Variants in TMEM117 observed in about 807,000 individuals in gnomAD.
The protein encoded by TMEM117 is transmembrane protein 117.
TMEM117 carries 27 observed loss-of-function variants against 52.4 expected under a neutral mutation model. That is an observed-to-expected ratio of 0.51 (90% CI 0.38 to 0.71). The LOEUF (loss-of-function observed/expected upper bound fraction) is 0.71. Ranked by LOEUF, TMEM117 falls within the 30% of genes least tolerant of loss-of-function variation. The pLI is 0.00. For synonymous variants in TMEM117, 215 were observed against 206.3 expected (o/e 1.04, Z -0.36); for missense variants, 556 against 630.5 (o/e 0.88, Z 1.26).
At position 44,149,266 on chromosome 12, in the gene TMEM117, T is replaced by C. The variant is rs183581980; in HGVS notation, c.510+5642T>C. Reference sequence around the variant, plus strand: ...GGGTTGAGATATGTCCCTTGAGTCATGTGAGCAAGAAGAGATTACTACGTA... The same window carrying C: ...GGGTTGAGATATGTCCCTTGAGTCACGTGAGCAAGAAGAGATTACTACGTA... On this transcript the variant is annotated intron_variant, in intron 4 of 7. Transcript: ENST00000266534. Among the ~76,000 whole-genome samples, 31 of 152,316 alleles carry C rather than the reference T, an allele frequency of 2.0e-4. No homozygotes were observed. In the East Asian group the frequency reaches 6.0e-3, roughly 29 times the overall value.
chr12:44,222,948 G>GT (rs1455759395), intron 5 of TMEM117, among the ~76,000 whole-genome samples: 1 of 151,400 alleles, frequency 6.6e-6, no homozygotes, highest in African/African-American at 2.4e-5. Context: ...CCAGGAAGGT[G>GT]TTGAAACTAT....
intron 3 of TMEM117, among the ~76,000 whole-genome samples, chr12:44,072,509 C>T (rs900764602): frequency 6.6e-6 from 1 of 152,152 alleles, no homozygotes. Flanking sequence ...GCCAGACACA[C>T]TAAGTCCACA....
intron 3 of TMEM117, among the ~76,000 whole-genome samples, chr12:43,987,858 C>A (rs1945873888): frequency 6.6e-6 from 1 of 151,954 alleles, no homozygotes; most frequent in Non-Finnish European, 1.5e-5. Flanking sequence ...TTGGCTTCCT[C>A]CAGGAAGTTG....
intron 3 of TMEM117, among the ~76,000 whole-genome samples, chr12:44,069,721 T>C (rs1282476716): frequency 6.6e-6 from 1 of 152,266 alleles, no homozygotes; most frequent in Non-Finnish European, 1.5e-5. Flanking sequence ...CTTCTATCCC[T>C]ATTTCAGGAA....
chr12:44,038,506 C>T (rs1946746594), intron 3 of TMEM117, among the ~76,000 whole-genome samples: 1 of 152,226 alleles, frequency 6.6e-6, no homozygotes, highest in Non-Finnish European at 1.5e-5. Context: ...CAATTGCTCA[C>T]ACACCCCTCA....
chr12:43,854,545 C>G (rs1359479277), intron 2 of TMEM117, among the ~76,000 whole-genome samples: 8 of 151,998 alleles, frequency 5.3e-5, no homozygotes, highest in African/African-American at 1.7e-4. Context: ...TAAGTGATGG[C>G]TCATTTACCT....
intron 2 of TMEM117, among the ~76,000 whole-genome samples, chr12:43,896,606 G>A (rs1944206475): frequency 7.4e-6 from 1 of 135,520 alleles, no homozygotes. Context: ...TCACTTCTAG[G>A]TTGCCTGAAA....
chr12:44,372,077 C>T (rs189708276), intron 6 of TMEM117, among the ~76,000 whole-genome samples: 1 of 152,246 alleles, frequency 6.6e-6, no homozygotes, highest in African/African-American at 2.4e-5. Context: ...TACCTTGTGC[C>T]TAAGTAATTC....
intron 2 of TMEM117, among the ~76,000 whole-genome samples, chr12:43,867,886 A>C (rs1943632868): frequency 6.6e-6 from 1 of 152,214 alleles, no homozygotes; most frequent in African/African-American, 2.4e-5. Flanking sequence ...AAAAATCAGT[A>C]AGAATATAGA....
chr12:44,323,118 T>C (rs12313072), intron 6 of TMEM117, among the ~76,000 whole-genome samples: 4,789 of 152,224 alleles, frequency 0.031, 257 homozygotes, highest in African/African-American at 0.11. Flanking sequence ...AGACTGTAGG[T>C]GACCTCTACA....
At chr12:44,076,830 G>A (rs1027086662) in intron 3 of TMEM117, among the ~76,000 whole-genome samples, 5 of 152,072 alleles carry the variant, frequency 3.3e-5, no homozygotes, top group East Asian at 3.9e-4. Flanking sequence ...AAAATAGCCC[G>A]ATGGAAGATA....
intron 2 of TMEM117, among the ~76,000 whole-genome samples, chr12:43,886,224 G>A (rs1675758): frequency 0.68 from 103,086 of 151,952 alleles, 40,180 homozygotes; most frequent in East Asian, 0.87. Flanking sequence ...GGAGAACAGG[G>A]ACTAAGGAAT....
intron 3 of TMEM117, among the ~76,000 whole-genome samples, chr12:44,140,355 G>A (rs1199264771): frequency 6.7e-6 from 1 of 150,346 alleles, no homozygotes; most frequent in Non-Finnish European, 1.5e-5. Flanking sequence ...AGGATTTAAT[G>A]TATGGAGATC....
intron 2 of TMEM117, among the ~76,000 whole-genome samples, chr12:43,914,152 A>G (rs948008390): frequency 2.0e-5 from 3 of 152,124 alleles, no homozygotes; most frequent in African/African-American, 4.8e-5. Flanking sequence ...ATACCAATGC[A>G]TGGGAGAGTC....
intron 3 of TMEM117, among the ~76,000 whole-genome samples, chr12:44,073,101 A>T (rs1036793619): frequency 6.6e-6 from 1 of 151,588 alleles, no homozygotes; most frequent in South Asian, 2.1e-4. Context: ...CCAAAAAAAA[A>T]AACAACAAAA....
intron 4 of TMEM117, among the ~76,000 whole-genome samples, chr12:44,184,793 G>A (rs1448424778): frequency 6.6e-6 from 1 of 152,092 alleles, no homozygotes; most frequent in Non-Finnish European, 1.5e-5. Flanking sequence ...CTCATTTTCT[G>A]ACTACACAAC....
intron 3 of TMEM117, among the ~76,000 whole-genome samples, chr12:44,025,676 A>G (rs73087690): frequency 0.056 from 8,553 of 152,278 alleles, 351 homozygotes; most frequent in Middle Eastern, 0.11. Context: ...CTGTTGGAAC[A>G]TCTCATTTTT....
At chr12:44,325,010 A>G (rs1352514156) in intron 6 of TMEM117, among the ~76,000 whole-genome samples, 1 of 152,178 alleles carries the variant, frequency 6.6e-6, no homozygotes, top group Non-Finnish European at 1.5e-5. Flanking sequence ...CTCTCATTCC[A>G]TAGTAAGAGT....
chr12:43,806,173 G>C, the TMEM117 span: 3 of 1,537,490 alleles, frequency 2.0e-6, no homozygotes, highest in Non-Finnish European at 1.7e-6. Flanking sequence ...CGGCTCTCCC[G>C]GCTCTCCCGG....
Sources: gnomAD v4.1 joint callset for allele counts (sites outside exome capture counted in the v4.1 genomes callset) on GRCh38, gnomAD v4.1.1 for gene constraint, MANE v1.5 for transcripts, NCBI Gene and HGNC (gene_info 2026-07-23, HGNC 2026-07-21) for gene names.